The following MEGF10 variants were observed in gnomAD, a reference collection of about 807,000 sequenced individuals.
MEGF10 encodes the protein multiple epidermal growth factor-like domains protein 10.
MEGF10 carries 86 observed loss-of-function variants against 147.5 expected under a neutral mutation model. The ratio of observed to expected loss-of-function variants is 0.58; its 90% CI spans 0.49 to 0.70. MEGF10 has a LOEUF of 0.70. Ranked by LOEUF, MEGF10 falls within the 30% of genes least tolerant of loss-of-function variation. MEGF10 has a pLI of 0.00. For missense variants in MEGF10, 1,329 were observed against 1,487.3 expected (o/e 0.89, Z 1.75); for synonymous variants, 478 against 525.5 (o/e 0.91, Z 1.24).
the MEGF10 span, among the ~76,000 whole-genome samples, chr5:127,267,433 T>A: frequency 6.6e-6 from 1 of 152,240 alleles, no homozygotes; most frequent in South Asian, 2.1e-4. Context: ...GATGCTGGCC[T>A]CATAAAATGA....
intron 13 of MEGF10, among the ~76,000 whole-genome samples, chr5:127,427,590 G>C (rs1241215100): frequency 6.6e-6 from 1 of 152,018 alleles, no homozygotes; most frequent in Non-Finnish European, 1.5e-5. Context: ...CCAGCAAGCA[G>C]AACTAGGCCT....
At chr5:127,241,851 A>C in the MEGF10 span, among the ~76,000 whole-genome samples, 1 of 152,212 alleles carries the variant, frequency 6.6e-6, no homozygotes, top group Non-Finnish European at 1.5e-5. Context: ...ACAGCATCTC[A>C]CAGGGAGGCA....
chr5:127,349,302 G>A (rs552742539), intron 4 of MEGF10, among the ~76,000 whole-genome samples: 3 of 152,026 alleles, frequency 2.0e-5, no homozygotes, highest in Non-Finnish European at 4.4e-5. Context: ...TATAAGTTTG[G>A]TAGTCTCTTC....
intron 17 of MEGF10, among the ~76,000 whole-genome samples, chr5:127,440,172 AG>A (rs1765703497): frequency 6.6e-6 from 1 of 152,190 alleles, no homozygotes; most frequent in African/African-American, 2.4e-5. Flanking sequence ...AGCAGTGTGA[AG>A]GGTTATTGCT....
intron 1 of MEGF10, among the ~76,000 whole-genome samples, chr5:127,312,338 G>C (rs1187107774): frequency 6.6e-6 from 1 of 152,216 alleles, no homozygotes; most frequent in African/African-American, 2.4e-5. Flanking sequence ...TTCAGGCAGT[G>C]AGCAGGAAGC....
chr5:127,407,268 T>G (rs1413788279), intron 8 of MEGF10, among the ~76,000 whole-genome samples: 1 of 152,172 alleles, frequency 6.6e-6, no homozygotes, highest in African/African-American at 2.4e-5. Context: ...AAGAATGTGA[T>G]TCTTTCACAC....
the MEGF10 span, among the ~76,000 whole-genome samples, chr5:127,237,058 C>G: frequency 6.6e-6 from 1 of 152,132 alleles, no homozygotes; most frequent in Non-Finnish European, 1.5e-5. Context: ...CCAGAAATGT[C>G]TGCGTTTTCC....
Position 127,440,876 on chromosome 5 carries a change from G to A in MEGF10, c.2362+9G>A. On this transcript the variant is annotated intron_variant, in intron 18 of 24. Coordinates refer to ENST00000503335, the MANE Select transcript of MEGF10 (RefSeq NM_001256545.2). ...ACGGCACTGTGAGCAGAGTAAGTAT[G>A]AGAGTGTGGCATCACTGGGTGGTAT... The A allele has an allele frequency of 6.2e-7, 1 of 1,611,726 alleles. No homozygotes were observed. The highest frequency in any genetic ancestry group is 8.5e-7 in the Non-Finnish European group (1 of 1,178,996).
the MEGF10 span, among the ~76,000 whole-genome samples, chr5:127,236,250 C>T: frequency 3.9e-5 from 6 of 152,150 alleles, no homozygotes; most frequent in African/African-American, 7.2e-5. Context: ...GGATTACAGG[C>T]GTGAGCCACC....
the MEGF10 span, among the ~76,000 whole-genome samples, chr5:127,256,637 T>G: frequency 6.6e-6 from 1 of 152,316 alleles, no homozygotes. Flanking sequence ...TACCTGTTGC[T>G]AAGGGCTCCC....
At chr5:127,336,992 G>T (rs1761495651) in intron 2 of MEGF10, among the ~76,000 whole-genome samples, 1 of 152,090 alleles carries the variant, frequency 6.6e-6, no homozygotes, top group Non-Finnish European at 1.5e-5. Flanking sequence ...CAAGCAGCTG[G>T]ATAGAAAGTG....
At chr5:127,392,694 G>T (rs1295584548) in intron 5 of MEGF10, among the ~76,000 whole-genome samples, 3 of 152,118 alleles carry the variant, frequency 2.0e-5, no homozygotes, top group Non-Finnish European at 2.9e-5. Flanking sequence ...TGTAACCTGG[G>T]GTTACTGGGG....
At chr5:127,369,731 A>C (rs915810129) in intron 4 of MEGF10, among the ~76,000 whole-genome samples, 179 bp from the exon 5 acceptor site, 1 of 152,232 alleles carries the variant, frequency 6.6e-6, no homozygotes, top group Non-Finnish European at 1.5e-5. Flanking sequence ...CAAAATAAGA[A>C]GGGGAATTGT....
intron 15 of MEGF10, 132 bp from the exon 16 acceptor site, chr5:127,435,229 T>C (rs1459322212): frequency 1.9e-6 from 2 of 1,053,436 alleles, no homozygotes; most frequent in Non-Finnish European, 2.7e-6. Context: ...AGATGAAGGA[T>C]GCTGTTGAGC....
intron 19 of MEGF10, among the ~76,000 whole-genome samples, chr5:127,443,456 G>A (rs1765831585): frequency 6.6e-6 from 1 of 151,864 alleles, no homozygotes; most frequent in Non-Finnish European, 1.5e-5. Flanking sequence ...TTATTGAGGT[G>A]TAATTGATAC....
intron 16 of MEGF10, among the ~76,000 whole-genome samples, chr5:127,437,994 A>G (rs1462109171): frequency 6.6e-6 from 1 of 152,142 alleles, no homozygotes; most frequent in Non-Finnish European, 1.5e-5. Context: ...TTTTTTCATA[A>G]TACCTACCAC....
chr5:127,438,648 G>T, intron 17 of MEGF10, 81 bp downstream of exon 17: 12 of 1,495,676 alleles, frequency 8.0e-6, no homozygotes, highest in Non-Finnish European at 1.1e-5. Flanking sequence ...ATGCGTGACT[G>T]GAGCTCAACA....
At chr5:127,250,615 C>A in the MEGF10 span, among the ~76,000 whole-genome samples, 3 of 151,844 alleles carry the variant, frequency 2.0e-5, no homozygotes, top group East Asian at 5.8e-4. Context: ...AAACTTGCTG[C>A]CAGAACTGTT....
intron 5 of MEGF10, among the ~76,000 whole-genome samples, chr5:127,381,467 G>A (rs1470817601): frequency 1.3e-5 from 2 of 152,120 alleles, no homozygotes; most frequent in Non-Finnish European, 2.9e-5. Flanking sequence ...TTTGCTGGCT[G>A]CCGTGCTCAG....
Sources: gnomAD v4.1 joint callset for allele counts (sites outside exome capture counted in the v4.1 genomes callset) on GRCh38, gnomAD v4.1.1 for gene constraint, MANE v1.5 for transcripts, NCBI Gene and HGNC (gene_info 2026-07-23, HGNC 2026-07-21) for gene names.